Variants in LEPR observed in about 807,000 individuals in gnomAD.
LEPR encodes the protein OB receptor.
LEPR carries 56 observed loss-of-function variants against 114.7 expected under a neutral mutation model. The observed-to-expected ratio is 0.49, with a 90% CI of 0.39 to 0.61. The LOEUF (loss-of-function observed/expected upper bound fraction) is 0.61. Ranked by LOEUF, LEPR falls within the 20% of genes least tolerant of loss-of-function variation. The probability of loss-of-function intolerance (pLI) is 0.00; values close to 1 mark genes in which losing one functional copy is unlikely to be tolerated. For synonymous variants in LEPR, 443 were observed against 461.4 expected (o/e 0.96, Z 0.51); for missense variants, 1,202 against 1,352.9 (o/e 0.89, Z 1.75).
intron 2 of LEPR, among the ~76,000 whole-genome samples, chr1:65,428,681 T>C (rs775109111): frequency 2.8e-4 from 42 of 152,168 alleles, no homozygotes; most frequent in Non-Finnish European, 5.7e-4. Context: ...ATTACAGTAT[T>C]GTGGTGATAT....
rs923523664 is a variant in LEPR at position 65,621,441 on chromosome 1, A to C, written c.2580A>C (p.Leu860Phe). The C allele has an allele frequency of 6.2e-7, 1 of 1,612,806 alleles. No individual in the cohort carries two copies. The highest frequency in any genetic ancestry group is 8.5e-7 in the Non-Finnish European group (1 of 1,179,280). ...CTTCCATCTTATTGCTTGGAACATT[A>C]TTAATATCACACCAAAGGTATTGTA... ...ISSSILLLGT[L>F]LISHQRMKKL... Residue 860 changes from leucine to phenylalanine, a missense_variant, in exon 18 of 20, where the codon TTA (leucine) becomes TTC (phenylalanine). By Grantham distance (22) the Leu-to-Phe change is conservative (BLOSUM62 0). Coordinates refer to ENST00000349533, the MANE Select transcript of LEPR (RefSeq NM_002303.6).
chr1:65,488,210 T>TTCTCTC (rs796597694), intron 2 of LEPR, among the ~76,000 whole-genome samples: 1 of 25,874 alleles, frequency 3.9e-5, no homozygotes, highest in Non-Finnish European at 7.5e-5. Flanking sequence ...CTTTCTTTCT[T>TTCTCTC]TCTCTCTCTC....
intron 19 of LEPR, chr1:65,635,374 T>C (rs2101045442): frequency 1.0e-6 from 1 of 984,734 alleles, no homozygotes; most frequent in Non-Finnish European, 1.2e-6. Context: ...TTTGTAGTTG[T>C]TTGGCAGGAT....
At chr1:65,461,004 C>G (rs1646938488) in intron 2 of LEPR, among the ~76,000 whole-genome samples, 1 of 137,910 alleles carries the variant, frequency 7.3e-6, no homozygotes, top group African/African-American at 2.7e-5. Context: ...TTGATGGAGT[C>G]TAACTCTGTT....
At chr1:65,595,887 C>T (rs992264186) in intron 6 of LEPR, among the ~76,000 whole-genome samples, 1 of 152,078 alleles carries the variant, frequency 6.6e-6, no homozygotes, top group African/African-American at 2.4e-5. Flanking sequence ...TGAGAAACTT[C>T]ATCCCTACTT....
At chr1:65,423,393 A>G (rs1323351570) in intron 1 of LEPR, among the ~76,000 whole-genome samples, 2 of 152,186 alleles carry the variant, frequency 1.3e-5, no homozygotes, top group African/African-American at 4.8e-5. Flanking sequence ...GACCAAAAAG[A>G]ATCAAACAGA....
At chr1:65,429,170 G>A (rs941098801) in intron 2 of LEPR, among the ~76,000 whole-genome samples, 2 of 152,042 alleles carry the variant, frequency 1.3e-5, no homozygotes, top group African/African-American at 2.4e-5. Context: ...AGATGACCAG[G>A]GAAAGTTCTG....
intron 14 of LEPR, among the ~76,000 whole-genome samples, chr1:65,615,783 A>G (rs1408393732): frequency 6.6e-6 from 1 of 152,178 alleles, no homozygotes; most frequent in Non-Finnish European, 1.5e-5. Flanking sequence ...AAAAAGGGGA[A>G]AATAAGTTTG....
In LEPR at chr1:65,474,122, C is replaced by T. The variant is rs2100424584; in HGVS notation, c.-21+48744C>T. On this transcript the variant is annotated intron_variant, in intron 2 of 19. Coordinates refer to ENST00000349533, the MANE Select transcript of LEPR (RefSeq NM_002303.6). Reference sequence around the variant, plus strand: ...CAGCTTCGTATGTGTGTTTTACAGTCACATATGTAATTTTCCCTGTGCTTT... The same window carrying T: ...CAGCTTCGTATGTGTGTTTTACAGTTACATATGTAATTTTCCCTGTGCTTT... Among the ~76,000 whole-genome samples, 2 of 152,328 alleles carry T rather than the reference C, an allele frequency of 1.3e-5. 1 individual carries two copies. The highest frequency in any genetic ancestry group is 3.9e-4 in the East Asian group (2 of 5,194).
In LEPR at chr1:65,601,697, G is replaced by T. The variant is rs1656448689; in HGVS notation, c.1285+15G>T. The T allele has an allele frequency of 2.5e-6, 4 of 1,613,312 alleles. No homozygotes were observed. The highest frequency in any genetic ancestry group is 3.4e-6 in the Non-Finnish European group (4 of 1,179,608). Reference sequence around the variant, plus strand: ...ATATGTGATTGGTAAGAAAACAGAGGTTTTGTTCATTTTGTTCCACAACTT... The same window carrying T: ...ATATGTGATTGGTAAGAAAACAGAGTTTTTGTTCATTTTGTTCCACAACTT... On this transcript the variant is annotated intron_variant, in intron 9 of 19. Transcript: ENST00000349533.
chr1:65,557,058 T>G (rs1248310487), intron 2 of LEPR, among the ~76,000 whole-genome samples: 1 of 152,164 alleles, frequency 6.6e-6, no homozygotes, highest in East Asian at 1.9e-4. Flanking sequence ...AATTGTGGCA[T>G]AGAACAGGGT....
At chr1:65,584,036 G>A (rs147008906) in intron 5 of LEPR, among the ~76,000 whole-genome samples, 11 of 152,274 alleles carry the variant, frequency 7.2e-5, no homozygotes, top group Non-Finnish European at 1.3e-4. Flanking sequence ...GCAGCCCATA[G>A]TGCTAGGCTC....
rs373207281 is a variant in LEPR at position 65,601,653 on chromosome 1, A to C, written c.1256A>C (p.His419Pro). Reference sequence around the variant, plus strand: ...TACTGCTGCAATGAACATGAATGCCATCATCGCTATGCTGAATTATATGTG... The same window carrying C: ...TACTGCTGCAATGAACATGAATGCCCTCATCGCTATGCTGAATTATATGTG... The part of the protein sequence containing the change: ...AVYCCNEHEC[H>P]HRYAELYVID... The change falls in exon 9 of 20, where the codon CAT becomes CCT. Residue 419 changes from histidine (H) to proline (P), a missense_variant. His to Pro is a moderately conservative substitution (Grantham distance 77, BLOSUM62 -2). Coordinates refer to ENST00000349533, the MANE Select transcript of LEPR (RefSeq NM_002303.6). 3 of 1,613,714 alleles carry C rather than the reference A, an allele frequency of 1.9e-6. No individual in the cohort carries two copies. The highest frequency in any genetic ancestry group is 1.7e-6 in the Non-Finnish European group (2 of 1,179,734).
intron 19 of LEPR, among the ~76,000 whole-genome samples, chr1:65,628,215 T>C (rs1658332305): frequency 6.6e-6 from 1 of 152,200 alleles, no homozygotes; most frequent in Non-Finnish European, 1.5e-5. Context: ...ATCTTTTTTC[T>C]TTTGTATGTT....
At chr1:65,552,676 C>A (rs561370404) in intron 2 of LEPR, among the ~76,000 whole-genome samples, 1 of 152,234 alleles carries the variant, frequency 6.6e-6, no homozygotes, top group South Asian at 2.1e-4. Flanking sequence ...TCCAATTTGG[C>A]AGTCTGTGTC....
At chr1:65,423,255 G>A (rs1272509111) in intron 1 of LEPR, among the ~76,000 whole-genome samples, 2 of 152,128 alleles carry the variant, frequency 1.3e-5, no homozygotes, top group Non-Finnish European at 1.5e-5. Flanking sequence ...GGTAGTAGGA[G>A]CTTTGGGTTG....
chr1:65,433,054 C>A (rs915832343), intron 2 of LEPR: 3 of 985,288 alleles, frequency 3.0e-6, no homozygotes, highest in Middle Eastern at 5.2e-4. Context: ...GAGATGCGGG[C>A]AGGGAGGCTG....
chr1:65,595,076 C>T (rs1655967808), intron 6 of LEPR, among the ~76,000 whole-genome samples: 1 of 151,924 alleles, frequency 6.6e-6, no homozygotes, highest in South Asian at 2.1e-4. Flanking sequence ...GACACATCCA[C>T]AGGGGATTGG....
intron 2 of LEPR, among the ~76,000 whole-genome samples, chr1:65,426,721 A>G (rs1646379960): frequency 1.3e-5 from 2 of 152,200 alleles, no homozygotes; most frequent in Non-Finnish European, 2.9e-5. Context: ...TGATTAGGCC[A>G]GGCACCATGG....
Sources: gnomAD v4.1 joint callset for allele counts (sites outside exome capture counted in the v4.1 genomes callset) on GRCh38, gnomAD v4.1.1 for gene constraint, MANE v1.5 for transcripts, NCBI Gene and HGNC (gene_info 2026-07-23, HGNC 2026-07-21) for gene names.